Variants in COL18A1 observed in about 807,000 individuals in gnomAD.
COL18A1 encodes collagen alpha-1(XVIII) chain.
In COL18A1, 133 loss-of-function variants were observed where a neutral mutation model predicts 168.0. That is an observed-to-expected ratio of 0.79 (90% CI 0.69 to 0.91). The LOEUF (loss-of-function observed/expected upper bound fraction) is 0.91. Ranked by LOEUF, COL18A1 falls within the 40% of genes least tolerant of loss-of-function variation. COL18A1 has a pLI of 0.00. For synonymous variants in COL18A1, 949 were observed against 809.0 expected (o/e 1.17, Z -2.94); for missense variants, 2,126 against 1,925.4 (o/e 1.10, Z -1.95).
At position 45,463,906 on chromosome 21, in the gene COL18A1, AAAG is replaced by A. The variant is rs2035119782; in HGVS notation, c.107-4333_107-4331del. Among the ~76,000 whole-genome samples the A allele has an allele frequency of 6.6e-6, 1 of 152,144 alleles. No homozygotes were observed. Among genetic ancestry groups the A allele is most frequent in the Non-Finnish European group, 1.5e-5 (1 of 68,010 alleles). On this transcript the variant is annotated intron_variant, in intron 2 of 41. Coordinates refer to ENST00000651438, the MANE Select transcript of COL18A1 (RefSeq NM_001379500.1). This position sits in a 1 kb window ranked among gnomAD's most constrained non-coding sequence, Gnocchi z 4.0. ...GAGCGAAACTCCATCTAAAAAAAAA[AAAG>A]AAAAGGAAAGAAATCAAGTCTTGAG... is the stretch of plus-strand genomic sequence containing the variant.
At chr21:45,444,865 C>T (rs569368077) in intron 2 of COL18A1, among the ~76,000 whole-genome samples, 2 of 152,184 alleles carry the variant, frequency 1.3e-5, no homozygotes, top group South Asian at 4.1e-4. Context: ...TCATCAAATA[C>T]ATGAAAAAAA....
At chr21:45,446,756 TA>T (rs1297977932) in intron 2 of COL18A1, among the ~76,000 whole-genome samples, 1 of 152,162 alleles carries the variant, frequency 6.6e-6, no homozygotes, top group Admixed American at 6.5e-5. Flanking sequence ...AAATCCTTGG[TA>T]GACTACTAGT....
At chr21:45,504,815 C>T (rs1443865348) in intron 34 of COL18A1, among the ~76,000 whole-genome samples, 1 of 152,150 alleles carries the variant, frequency 6.6e-6, no homozygotes, top group Non-Finnish European at 1.5e-5. Context: ...TCCACCTCTG[C>T]TCCTGGGCCG....
rs766600640 is a variant in COL18A1 at position 45,507,590 on chromosome 21, G to A, written c.3246G>A (p.Gly1082=). The A allele has an allele frequency of 1.2e-6, 2 of 1,612,970 alleles. No individual in the cohort carries two copies. Among genetic ancestry groups the A allele is most frequent in the Admixed American group, 1.7e-5 (1 of 59,980 alleles). ...QLEARTPLPR[G]TDNEVAALQP... ...AGGCCCGGACACCACTCCCACGAGGGACGGTAAGGAGCCTTTTTTCTGTTG... is the reference window on the plus strand; with the variant it reads ...AGGCCCGGACACCACTCCCACGAGGAACGGTAAGGAGCCTTTTTTCTGTTG... The change falls in exon 38 of 42, where the codon GGG becomes GGA. Residue 1082 remains glycine, a synonymous_variant. Transcript: ENST00000651438.
At chr21:45,456,259 C>A (rs2236452) in intron 2 of COL18A1, 2 of 1,582,402 alleles carry the variant, frequency 1.3e-6, no homozygotes, top group Admixed American at 3.6e-5. Flanking sequence ...GACTCTCGCC[C>A]GCCGCAGCCG....
intron 2 of COL18A1, among the ~76,000 whole-genome samples, chr21:45,440,146 C>T (rs1311979839): frequency 6.6e-6 from 1 of 152,228 alleles, no homozygotes; most frequent in Non-Finnish European, 1.5e-5. Flanking sequence ...GCTGCGGGGT[C>T]GGAACGTCGG....
Position 45,473,335 on chromosome 21 carries a change from C to T in COL18A1, c.652-560C>T, listed in dbSNP as rs891958443. Among the ~76,000 whole-genome samples, 30 of 152,308 alleles carry T rather than the reference C, an allele frequency of 2.0e-4. No homozygotes were observed. The highest frequency in any genetic ancestry group is 6.5e-4 in the African/African-American group (27 of 41,570). Reference sequence around the variant, plus strand: ...GTGGGTGAGTGAGTGAGATTGGGTCCGGACGGAATGGGCGCAGAGATCCAG... The same window carrying T: ...GTGGGTGAGTGAGTGAGATTGGGTCTGGACGGAATGGGCGCAGAGATCCAG... On this transcript the variant is annotated intron_variant, in intron 3 of 41. Coordinates refer to ENST00000651438, the MANE Select transcript of COL18A1 (RefSeq NM_001379500.1). The surrounding 1 kb of genome is among the most constrained non-coding windows in gnomAD (Gnocchi z 4.0).
At chr21:45,435,433 G>T (rs1372935263) in intron 2 of COL18A1, among the ~76,000 whole-genome samples, 2 of 152,060 alleles carry the variant, frequency 1.3e-5, no homozygotes, top group African/African-American at 4.8e-5. Flanking sequence ...CAGTGTAGGT[G>T]CTCAGCTGGG....
intron 2 of COL18A1, among the ~76,000 whole-genome samples, chr21:45,414,358 T>A (rs1274842331): frequency 6.6e-6 from 1 of 152,232 alleles, no homozygotes; most frequent in Non-Finnish European, 1.5e-5. Context: ...GTTTTCCAGC[T>A]GAAATGAGAC....
intron 2 of COL18A1, chr21:45,456,915 C>T (rs1568882332): frequency 7.2e-7 from 1 of 1,393,400 alleles, no homozygotes; most frequent in Non-Finnish European, 9.4e-7. Flanking sequence ...CCACCCTTTC[C>T]TTTTTGCCTT....
In COL18A1 at chr21:45,491,215, CCT is replaced by C; in HGVS notation, c.2068-7_2068-6del. On this transcript the variant is annotated splice_polypyrimidine_tract_variant and splice_region_variant and intron_variant, in intron 21 of 41. Transcript: ENST00000651438. ...AGATGAAATGCCGGACGCGTGGCCT[CCT>C]CTTCCAGGGAGATCCAGGGAAGGAC... The C allele has an allele frequency of 6.2e-7, 1 of 1,609,692 alleles. No individual in the cohort carries two copies. Among genetic ancestry groups the C allele is most frequent in the African/African-American group, 1.3e-5 (1 of 74,978 alleles).
rs1337117785 is a variant in COL18A1, at chr21:45,474,114, G to C, written c.738+133G>C. On this transcript the variant is annotated intron_variant, in intron 4 of 41. Transcript: ENST00000651438. ...ACTGGGAAGCTGCGATACCATTTCT[G>C]TGCTCTCCTGTAGCACCTCAGAGCC... The C allele has an allele frequency of 3.0e-5, 21 of 689,050 alleles. No individual in the cohort carries two copies. In the East Asian group the frequency reaches 5.7e-4, roughly 19 times the overall value. 42.7% of individuals were successfully genotyped at this position (689,050 alleles called of 1,614,324 possible). A position where few individuals can be genotyped will look rare whatever the true frequency, so the allele number is the denominator to read the frequency against.
chr21:45,492,136 G>A (rs767506565), intron 22 of COL18A1, among the ~76,000 whole-genome samples: 7 of 152,210 alleles, frequency 4.6e-5, no homozygotes, highest in Non-Finnish European at 1.0e-4. Context: ...GCACGGCTTT[G>A]CTAGGAGCAG....
chr21:45,505,263 G>A lies in COL18A1; in HGVS notation c.2998G>A (p.Gly1000Ser). The A allele has an allele frequency of 6.2e-7, 1 of 1,606,478 alleles. No homozygotes were observed. Among genetic ancestry groups the A allele is most frequent in the Non-Finnish European group, 8.5e-7 (1 of 1,175,764 alleles). Residue 1000 changes from glycine (G) to serine (S), a missense_variant, in exon 35 of 42, where the codon GGC becomes AGC. Transcript: ENST00000651438. Reference sequence around the variant, plus strand: ...CCCCCCAGGGCCCCCTTCATTTCCTGGCCCTCACAGGCAGAGTAAGTCAGT... The same window carrying A: ...CCCCCCAGGGCCCCCTTCATTTCCTAGCCCTCACAGGCAGAGTAAGTCAGT... Reference protein sequence around the residue: ...PGPPGPPSFPGPHRQTISVPG... With the variant: ...PGPPGPPSFPSPHRQTISVPG...
chr21:45,409,256 C>T (rs746303505), intron 2 of COL18A1, among the ~76,000 whole-genome samples: 16 of 152,194 alleles, frequency 1.1e-4, no homozygotes, highest in Non-Finnish European at 2.2e-4. Context: ...CAGTGGCAGA[C>T]GGCGCAGGGT....
intron 38 of COL18A1, 84 bp from the exon 39 acceptor site, chr21:45,509,272 C>T (rs1373497856): frequency 2.6e-6 from 4 of 1,517,916 alleles, no homozygotes; most frequent in Non-Finnish European, 3.5e-6. Flanking sequence ...CAGCCCCTCT[C>T]ACCCAGCCCA....
At chr21:45,417,903 C>T (rs974467142) in intron 2 of COL18A1, among the ~76,000 whole-genome samples, 1 of 152,252 alleles carries the variant, frequency 6.6e-6, no homozygotes. Flanking sequence ...CTTCCCCAGG[C>T]CCCACCCACA....
Position 45,471,130 on chromosome 21 carries a change from C to T in COL18A1, c.651+2344C>T, listed in dbSNP as rs2035415168. Among the ~76,000 whole-genome samples, 1 of 136,520 alleles carries T rather than the reference C, an allele frequency of 7.3e-6. No individual in the cohort carries two copies. Among genetic ancestry groups the T allele is most frequent in the Non-Finnish European group, 1.6e-5 (1 of 63,768 alleles). 89.6% of individuals were successfully genotyped at this position (136,520 alleles called of 152,430 possible). ...TGGGCCTGGGTGGCGCACTACGGGC[C>T]TTGTGCTGCTGGGCGTGGGTGGCGT... On this transcript the variant is annotated intron_variant, in intron 3 of 41. Transcript: ENST00000651438. The surrounding 1 kb of genome is among the most constrained non-coding windows in gnomAD (Gnocchi z 4.4).
chr21:45,493,130 C>A, intron 24 of COL18A1, 33 bp from the exon 25 acceptor site: 1 of 1,546,618 alleles, frequency 6.5e-7, no homozygotes. Flanking sequence ...AGATGCCAGC[C>A]GCTCGGGCCT....
Sources: gnomAD v4.1 joint callset for allele counts (sites outside exome capture counted in the v4.1 genomes callset) on GRCh38, gnomAD v4.1.1 for gene constraint, Gnocchi (gnomAD v3.1) non-coding constraint, MANE v1.5 for transcripts, NCBI Gene and HGNC (gene_info 2026-07-23, HGNC 2026-07-21) for gene names.